Variants in HDAC5 observed in about 807,000 individuals in gnomAD.
HDAC5 encodes the protein histone deacetylase 5.
A neutral mutation model predicts 133.3 loss-of-function variants in HDAC5; 25 were observed. That is an observed-to-expected ratio of 0.19 (90% CI 0.14 to 0.26). HDAC5 has a LOEUF of 0.26. Ranked by LOEUF, HDAC5 falls within the 10% of genes least tolerant of loss-of-function variation. The pLI is 1.00. For missense variants in HDAC5, 1,041 were observed against 1,460.5 expected (o/e 0.71, Z 4.68); for synonymous variants, 589 against 610.8 (o/e 0.96, Z 0.53).
intron 2 of HDAC5, among the ~76,000 whole-genome samples, chr17:44,114,271 T>A (rs997150278): frequency 6.6e-6 from 1 of 152,178 alleles, no homozygotes; most frequent in Admixed American, 6.5e-5. Context: ...AGGAGTCTAC[T>A]TCTCAGACCC....
Position 44,092,154 on chromosome 17 carries a change from C to T in HDAC5, c.1032+18G>A, listed in dbSNP as rs2050983454. 12 of 1,605,708 alleles carry T rather than the reference C, an allele frequency of 7.5e-6. No homozygotes were observed. The highest frequency in any genetic ancestry group is 1.0e-5 in the Non-Finnish European group (12 of 1,173,498). ...GCAACTCTGTCCCCGCCCCACCAGC[C>T]CCCAGCCAGGCCTGTACCTCAGTGG... On this transcript the variant is annotated intron_variant, in intron 9 of 26. Transcript: ENST00000682912.
chr17:44,112,345 G>T (rs577823509), intron 2 of HDAC5, among the ~76,000 whole-genome samples: 2 of 151,670 alleles, frequency 1.3e-5, no homozygotes, highest in Admixed American at 6.6e-5. Flanking sequence ...GCACTCCCCC[G>T]CCCTCCCCAC....
At position 44,078,078 on chromosome 17, in the gene HDAC5, C is replaced by T. The variant is rs893669345; in HGVS notation, c.*298G>A. The T allele has an allele frequency of 4.1e-5, 13 of 319,668 alleles. No individual in the cohort carries two copies. In the East Asian group the frequency reaches 4.5e-4, roughly 11 times the overall value. 19.8% of individuals were successfully genotyped at this position (319,668 alleles called of 1,614,324 possible). A position where few individuals can be genotyped will look rare whatever the true frequency, so the allele number is the denominator to read the frequency against. On this transcript the variant is annotated 3_prime_UTR_variant, in exon 27 of 27. Coordinates refer to ENST00000682912, the MANE Select transcript of HDAC5 (RefSeq NM_005474.5). ...GAGAGTACTGTCTGGGCCCCCGTGCCCACCTTGAGCTGGCCCAGGCTCCAA... is the reference window on the plus strand; with the variant it reads ...GAGAGTACTGTCTGGGCCCCCGTGCTCACCTTGAGCTGGCCCAGGCTCCAA...
intron 3 of HDAC5, among the ~76,000 whole-genome samples, chr17:44,101,852 G>T (rs1270931307): frequency 6.6e-6 from 1 of 151,968 alleles, no homozygotes; most frequent in Admixed American, 6.6e-5. Context: ...GGACAGGTGA[G>T]GGTCTCAAAA....
At chr17:44,106,247 T>C (rs2051933680) in intron 3 of HDAC5, among the ~76,000 whole-genome samples, 1 of 152,160 alleles carries the variant, frequency 6.6e-6, no homozygotes, top group Non-Finnish European at 1.5e-5. Context: ...GGTGTTCAAC[T>C]TTATTCCTGA....
rs1217365858 is a variant in HDAC5, at chr17:44,083,817, A to G, written c.2343T>C (p.Cys781=). The G allele has an allele frequency of 1.3e-6, 2 of 1,531,794 alleles. No individual in the cohort carries two copies. Among genetic ancestry groups the G allele is most frequent in the South Asian group, 2.2e-5 (2 of 89,496 alleles). 94.9% of individuals were successfully genotyped at this position (1,531,794 alleles called of 1,614,324 possible). Residue 781 remains cysteine (C), a synonymous_variant, in exon 17 of 27, where the codon TGT becomes TGC. Coordinates refer to ENST00000682912, the MANE Select transcript of HDAC5 (RefSeq NM_005474.5). The part of the protein sequence containing the change: ...ISQKMYAVLP[C]GGIGVDSDTV... ...ACGCCCTACTCACCCCGATGCCCCC[A>G]CAAGGCAGCACAGCATACATCTTCT...
chr17:44,086,668 G>A lies in HDAC5; in HGVS notation c.1954C>T (p.Pro652Ser), dbSNP rs765701196. The A allele has an allele frequency of 7.7e-7, 1 of 1,300,556 alleles. No homozygotes were observed. The highest frequency in any genetic ancestry group is 3.3e-5 in the Admixed American group (1 of 30,344). The allele number at this position is 1,300,556 out of a possible 1,614,324, so 80.6% of individuals were successfully genotyped here. A position where few individuals can be genotyped will look rare whatever the true frequency, so the allele number is the denominator to read the frequency against. The change falls in exon 14 of 27, where the codon CCC becomes TCC. Residue 652 changes from proline to serine, a missense_variant. Physicochemically the swap from Pro to Ser is moderately conservative, Grantham distance 74. Coordinates refer to ENST00000682912, the MANE Select transcript of HDAC5 (RefSeq NM_005474.5). ...TGGGTACGGCCCAGGGCCTGGTGGG[G>A]CACAGTGGCCAGGCTGAGGGGCGCC... is the stretch of plus-strand genomic sequence containing the variant. ...YQAPLSLATV[P>S]HQALGRTQSS...
At chr17:44,095,373 C>G (rs1163877943) in intron 3 of HDAC5, among the ~76,000 whole-genome samples, 1 of 152,184 alleles carries the variant, frequency 6.6e-6, no homozygotes, top group Admixed American at 6.5e-5. Context: ...AACTGAGGCA[C>G]AGAGGTTGGT....
chr17:44,111,040 G>A, intron 2 of HDAC5: 2 of 539,252 alleles, frequency 3.7e-6, no homozygotes, highest in Non-Finnish European at 3.4e-6. Context: ...GGGCAGGGAG[G>A]CCCTAGAGCT....
At chr17:44,119,188 G>A (rs1365841940) in intron 1 of HDAC5, among the ~76,000 whole-genome samples, 2 of 152,244 alleles carry the variant, frequency 1.3e-5, no homozygotes, top group Non-Finnish European at 2.9e-5. Context: ...TCAGGAATGT[G>A]GCAGGTAGGG....
chr17:44,121,722 G>A (rs1239842119), intron 1 of HDAC5, among the ~76,000 whole-genome samples: 1 of 151,990 alleles, frequency 6.6e-6, no homozygotes, highest in Non-Finnish European at 1.5e-5. Context: ...CTTTGTCTCT[G>A]CAGCTACTTG....
chr17:44,121,606 C>T (rs1241714381), intron 1 of HDAC5, among the ~76,000 whole-genome samples: 1 of 151,906 alleles, frequency 6.6e-6, no homozygotes, highest in Admixed American at 6.6e-5. Flanking sequence ...TAGCTGATGC[C>T]CCCTCCCCCA....
intron 6 of HDAC5, 99 bp downstream of exon 6, chr17:44,092,993 C>T (rs1156971572): frequency 6.1e-6 from 5 of 817,154 alleles, no homozygotes; most frequent in South Asian, 1.8e-5. Context: ...ATTGCAGGGC[C>T]CGTATATGGG....
At chr17:44,088,836 A>T (rs1334948486) in intron 11 of HDAC5, among the ~76,000 whole-genome samples, 1 of 152,124 alleles carries the variant, frequency 6.6e-6, no homozygotes, top group Non-Finnish European at 1.5e-5. Context: ...TCCTGGATTC[A>T]CCATCTTTTC....
chr17:44,111,693 G>A (rs746300535), intron 2 of HDAC5: 3 of 516,038 alleles, frequency 5.8e-6, no homozygotes, highest in African/African-American at 3.9e-5. Context: ...CTCCCACAGA[G>A]TTGAGAGGTG....
At chr17:44,092,557 C>G (rs200945889) in intron 7 of HDAC5, 30 bp from the exon 8 acceptor site, 4 of 1,603,148 alleles carry the variant, frequency 2.5e-6, no homozygotes, top group Admixed American at 3.3e-5. Flanking sequence ...GGTTCAGATA[C>G]GCGCACAGCA....
At chr17:44,121,994 T>A (rs2053035471) in intron 1 of HDAC5, among the ~76,000 whole-genome samples, 1 of 151,872 alleles carries the variant, frequency 6.6e-6, no homozygotes. Flanking sequence ...CAGATCCAAG[T>A]TCAAGTGAAG....
At chr17:44,086,860 A>T in intron 13 of HDAC5, 123 bp from the exon 14 acceptor site, 1 of 615,784 alleles carries the variant, frequency 1.6e-6, no homozygotes, top group Non-Finnish European at 2.4e-6. Flanking sequence ...TCCTTCCCCC[A>T]CCTCCTCCCA....
chr17:44,117,028 C>T lies in HDAC5; in HGVS notation c.22+466G>A, dbSNP rs2052691990. ...GCACACGGAGGTTAAGGCCCAGTGC[C>T]CTTGTAAACCTCCACTAAGAAAAAA... On this transcript the variant is annotated intron_variant, in intron 2 of 26. Transcript: ENST00000682912. The surrounding 1 kb of genome is among the most constrained non-coding windows in gnomAD (Gnocchi z 4.2). 6.6e-6 allele frequency among the ~76,000 whole-genome samples: 1 copy of T among 152,218 alleles called. No individual in the cohort carries two copies. The highest frequency in any genetic ancestry group is 2.4e-5 in the African/African-American group (1 of 41,448).
Sources: gnomAD v4.1 joint callset for allele counts (sites outside exome capture counted in the v4.1 genomes callset) on GRCh38, gnomAD v4.1.1 for gene constraint, Gnocchi (gnomAD v3.1) non-coding constraint, MANE v1.5 for transcripts, NCBI Gene and HGNC (gene_info 2026-07-23, HGNC 2026-07-21) for gene names.